GMNN: variants seen among roughly 807,000 people sequenced by gnomAD.
GMNN encodes geminin DNA replication inhibitor.
A neutral mutation model predicts 20.9 loss-of-function variants in GMNN; 14 were observed. That is an observed-to-expected ratio of 0.67 (90% CI 0.44 to 1.05). The LOEUF (loss-of-function observed/expected upper bound fraction) is 1.05. Ranked by LOEUF, GMNN falls within the 50% of genes least tolerant of loss-of-function variation. The probability of loss-of-function intolerance (pLI) is 0.00; values close to 1 mark genes in which losing one functional copy is unlikely to be tolerated. For synonymous variants in GMNN, 81 were observed against 85.8 expected (o/e 0.94, Z 0.31); for missense variants, 227 against 243.8 (o/e 0.93, Z 0.46).
chr6:24,777,776 C>T (rs1465667465), intron 2 of GMNN: 1 of 152,056 alleles, frequency 6.6e-6, no homozygotes, highest in African/African-American at 2.4e-5. Flanking sequence ...TGTGAAGATT[C>T]CAGAAGTATC....
intron 2 of GMNN, among the ~76,000 whole-genome samples, chr6:24,779,717 TC>T (rs1364253805): frequency 6.6e-6 from 1 of 152,230 alleles, no homozygotes; most frequent in Non-Finnish European, 1.5e-5. Context: ...TTGTTTGCTA[TC>T]CCATGGTGGC....
intron 6 of GMNN, 123 bp from the exon 7 acceptor site, chr6:24,785,515 A>G: frequency 2.0e-6 from 1 of 508,112 alleles, no homozygotes; most frequent in Non-Finnish European, 3.4e-6. Flanking sequence ...GAATTTATTG[A>G]GGGGCAAGAT....
Position 24,777,289 on chromosome 6 carries a change from A to C in GMNN, c.43A>C (p.Asn15His), listed in dbSNP as rs34891389. The C allele has an allele frequency of 9.5e-5, 123 of 1,291,232 alleles. No homozygotes were observed. The African/African-American group carries it at 1.8e-3, about 19-fold the overall frequency. The allele number at this position is 1,291,232 out of a possible 1,614,324, so 80.0% of individuals were successfully genotyped here. Residue 15 changes from asparagine to histidine, a missense_variant, in exon 2 of 7, where the codon AAT (asparagine) becomes CAT (histidine). Transcript: ENST00000230056. ...MKQKQEEIKENIKNSSVPRRT... is the reference protein window; with the variant it reads ...MKQKQEEIKEHIKNSSVPRRT... ...GCAGAAACAAGAAGAAATCAAAGAGAATATAAAGGTATGTGATTGAATAAC... is the reference window on the plus strand; with the variant it reads ...GCAGAAACAAGAAGAAATCAAAGAGCATATAAAGGTATGTGATTGAATAAC...
At chr6:24,783,569 A>G (rs1370209661) in intron 4 of GMNN, among the ~76,000 whole-genome samples, 1 of 152,146 alleles carries the variant, frequency 6.6e-6, no homozygotes, top group Non-Finnish European at 1.5e-5. Context: ...CAGAAATCTG[A>G]TAGATAGCAT....
Position 24,781,941 on chromosome 6 carries a change from C to A in GMNN, c.274+320C>A, listed in dbSNP as rs139193592. ...TCTCTGTATGAAAAAATTAGCTGAG[C>A]ATGGTGGCTTGTGCCTGTATTCCCA... On this transcript the variant is annotated intron_variant, in intron 4 of 6. Transcript: ENST00000230056. 6.5e-3 allele frequency among the ~76,000 whole-genome samples: 995 copies of A among 152,210 alleles called. 4 individuals are homozygous for A. The highest frequency in any genetic ancestry group is 0.051 in the Middle Eastern group (15 of 294).
At chr6:24,777,444 A>C (rs1421779368) in intron 2 of GMNN, 147 bp downstream of exon 2, 3 of 416,780 alleles carry the variant, frequency 7.2e-6, no homozygotes, top group African/African-American at 6.2e-5. Context: ...AACATTTTTA[A>C]AAAACTAATT....
At position 24,785,854 on chromosome 6, in the gene GMNN, G is replaced by T. The variant is rs901110662; in HGVS notation, c.*55G>T. ...TTACTGCCGAAGTTTACCTCCACTA[G>T]TTCTTTGTAGCAGAGTACATAACTA... On this transcript the variant is annotated 3_prime_UTR_variant, in exon 7 of 7. Coordinates refer to ENST00000230056, the MANE Select transcript of GMNN (RefSeq NM_015895.5). 130 of 1,068,966 alleles carry T rather than the reference G, an allele frequency of 1.2e-4. No individual in the cohort carries two copies. Among genetic ancestry groups the T allele is most frequent in the Admixed American group, 6.6e-5 (3 of 45,548 alleles). The allele number at this position is 1,068,966 out of a possible 1,614,324, so 66.2% of individuals were successfully genotyped here. A position where few individuals can be genotyped will look rare whatever the true frequency, so the allele number is the denominator to read the frequency against.
chr6:24,778,200 C>T (rs114360442), intron 2 of GMNN, among the ~76,000 whole-genome samples: 4,032 of 152,190 alleles, frequency 0.026, 86 homozygotes, highest in Non-Finnish European at 0.038. Context: ...TATCAATTTG[C>T]GGTTTTAAAT....
At chr6:24,785,588 GC>G (rs1223978319) in intron 6 of GMNN, 49 bp from the exon 7 acceptor site, 2 of 935,280 alleles carry the variant, frequency 2.1e-6, no homozygotes, top group East Asian at 4.9e-5. Context: ...ATGCTGATCA[GC>G]TTAGGTTTTA....
chr6:24,781,087 C>T (rs1780202334), intron 3 of GMNN, among the ~76,000 whole-genome samples: 1 of 152,074 alleles, frequency 6.6e-6, no homozygotes, highest in East Asian at 1.9e-4. Context: ...CCTATAATCT[C>T]AGCTGCTTGG....
rs3756812 is a variant in GMNN, at chr6:24,775,078, G to C, written c.-192G>C. Reference sequence around the variant, plus strand: ...TGCGAGGTGCTGCAGCCATAGCTACGTGCGTTCGCTACGAGGATTGAGCGT... The same window carrying C: ...TGCGAGGTGCTGCAGCCATAGCTACCTGCGTTCGCTACGAGGATTGAGCGT... On this transcript the variant is annotated 5_prime_UTR_variant, in exon 1 of 7. Transcript: ENST00000230056. 11,089 of 152,498 alleles carry C rather than the reference G, an allele frequency of 0.073. 1,158 individuals are homozygous for C. The highest frequency in any genetic ancestry group is 0.22 in the African/African-American group (9,302 of 41,552). The allele number at this position is 152,498 out of a possible 1,614,324, so 9.4% of individuals were successfully genotyped here. A position where few individuals can be genotyped will look rare whatever the true frequency, so the allele number is the denominator to read the frequency against.
intron 4 of GMNN, among the ~76,000 whole-genome samples, chr6:24,783,697 T>G (rs1780276961): frequency 6.6e-6 from 1 of 152,244 alleles, no homozygotes; most frequent in Admixed American, 6.5e-5. Flanking sequence ...TTATATAGTA[T>G]TCCTGCCAAA....
In GMNN at chr6:24,785,783, C is replaced by T; in HGVS notation, c.614C>T (p.Ala205Val). The change falls in exon 7 of 7, where the codon GCA becomes GTA. Residue 205 changes from alanine to valine, a missense_variant. By Grantham distance (64) the Ala-to-Val change is moderately conservative. Coordinates refer to ENST00000230056, the MANE Select transcript of GMNN (RefSeq NM_015895.5). ...GGAACTGTATCTTCCTCTACGGATG[C>T]AAAGCCATGTATATGAAATGCATTA... ...AEGTVSSSTD[A>V]KPCI 1 of 1,578,364 alleles carries T rather than the reference C, an allele frequency of 6.3e-7. No homozygotes were observed. Among genetic ancestry groups the T allele is most frequent in the Non-Finnish European group, 8.6e-7 (1 of 1,162,956 alleles).
chr6:24,776,470 T>C (rs1780072699), intron 1 of GMNN, among the ~76,000 whole-genome samples: 1 of 152,214 alleles, frequency 6.6e-6, no homozygotes, highest in Admixed American at 6.5e-5. Context: ...TTTGCACATG[T>C]GTGTGCACGC....
intron 1 of GMNN, among the ~76,000 whole-genome samples, chr6:24,776,641 A>G (rs1452785195): frequency 6.6e-6 from 1 of 152,220 alleles, no homozygotes; most frequent in Non-Finnish European, 1.5e-5. Flanking sequence ...GCAGCAGTTC[A>G]GATGCTGAGT....
intron 2 of GMNN, among the ~76,000 whole-genome samples, chr6:24,779,116 G>A (rs998494419): frequency 6.6e-6 from 1 of 152,306 alleles, no homozygotes; most frequent in East Asian, 1.9e-4. Flanking sequence ...ATCCTTGTGA[G>A]TTGCATGCAA....
intron 3 of GMNN, 70 bp downstream of exon 3, chr6:24,780,810 T>C (rs981312336): frequency 2.6e-6 from 2 of 777,980 alleles, no homozygotes; most frequent in Non-Finnish European, 4.6e-6. Flanking sequence ...TCTACTATTT[T>C]CTTGGTCAGA....
At chr6:24,784,649 G>C (rs866488789) in intron 6 of GMNN, 95 bp downstream of exon 6, 1 of 560,456 alleles carries the variant, frequency 1.8e-6, no homozygotes, top group Middle Eastern at 3.7e-4. Flanking sequence ...TAGGGCTCTG[G>C]AATCAGATTT....
intron 1 of GMNN, among the ~76,000 whole-genome samples, chr6:24,776,607 G>A (rs1780077955): frequency 6.6e-6 from 1 of 152,162 alleles, no homozygotes; most frequent in South Asian, 2.1e-4. Context: ...AATGGGTAGT[G>A]GGCAGTGGGC....
Sources: gnomAD v4.1 joint callset for allele counts (sites outside exome capture counted in the v4.1 genomes callset) on GRCh38, gnomAD v4.1.1 for gene constraint, MANE v1.5 for transcripts, NCBI Gene and HGNC (gene_info 2026-07-23, HGNC 2026-07-21) for gene names.